Variants in FILIP1L observed in about 807,000 individuals in gnomAD.
FILIP1L encodes the protein filamin A-interacting protein 1-like.
A neutral mutation model predicts 96.6 loss-of-function variants in FILIP1L; 55 were observed. The observed-to-expected ratio is 0.57, with a 90% CI of 0.46 to 0.71. The LOEUF is 0.71. Among genes scored for constraint, FILIP1L ranks in the 30% least tolerant of loss-of-function variants. The pLI is 0.00. For missense variants in FILIP1L, 1,304 were observed against 1,321.2 expected (o/e 0.99, Z 0.20); for synonymous variants, 467 against 473.9 (o/e 0.99, Z 0.19).
intron 4 of FILIP1L, among the ~76,000 whole-genome samples, chr3:99,863,398 G>T (rs809415): frequency 0.73 from 111,668 of 151,978 alleles, 41,738 homozygotes; most frequent in African/African-American, 0.88. Context: ...ACTCCTGTAC[G>T]TGGGGACTCA....
intron 1 of FILIP1L, among the ~76,000 whole-genome samples, chr3:100,018,186 C>T (rs1200962612): frequency 7.2e-5 from 11 of 151,840 alleles, no homozygotes; most frequent in African/African-American, 2.4e-5. Context: ...ATTAGCCGGG[C>T]GTGGTGGCAT....
chr3:99,973,810 A>G (rs1236854901), intron 1 of FILIP1L, among the ~76,000 whole-genome samples: 1 of 152,128 alleles, frequency 6.6e-6, no homozygotes, highest in Non-Finnish European at 1.5e-5. Context: ...GATGTTAAAT[A>G]CCTCTATTCC....
At chr3:99,939,696 C>T (rs1230270006) in intron 1 of FILIP1L, among the ~76,000 whole-genome samples, 1 of 152,168 alleles carries the variant, frequency 6.6e-6, no homozygotes, top group African/African-American at 2.4e-5. Flanking sequence ...TTAATGAAAA[C>T]TTCTTCCAGT....
chr3:100,013,541 G>A (rs552670080), intron 1 of FILIP1L, among the ~76,000 whole-genome samples: 1 of 152,250 alleles, frequency 6.6e-6, no homozygotes, highest in South Asian at 2.1e-4. Flanking sequence ...ACCACACTCG[G>A]CTGGCCAGTG....
intron 1 of FILIP1L, among the ~76,000 whole-genome samples, chr3:100,076,771 T>C (rs1187282414): frequency 1.3e-5 from 2 of 152,242 alleles, no homozygotes; most frequent in Admixed American, 6.5e-5. Context: ...TAACGTCTTC[T>C]CAGATTTCCA....
intron 4 of FILIP1L, among the ~76,000 whole-genome samples, chr3:99,922,627 G>C (rs925840025): frequency 2.0e-5 from 3 of 152,218 alleles, no homozygotes; most frequent in African/African-American, 7.2e-5. Context: ...ATTGGAAGTA[G>C]TTGAATAAGC....
chr3:99,850,128 A>G lies in FILIP1L; in HGVS notation c.1548T>C (p.Asp516=). ...TMSEKLKKTE[D]KLQAASSQLQ... is the part of the protein sequence containing the mutation. ...GCTGAGAAGAAGCAGCTTGTAATTTATCTTCAGTTTTCTTTAATTTTTCAC... is the reference window on the plus strand; with the variant it reads ...GCTGAGAAGAAGCAGCTTGTAATTTGTCTTCAGTTTTCTTTAATTTTTCAC... The change falls in exon 5 of 6, where the codon GAT becomes GAC. Residue 516 remains aspartate (D), a synonymous_variant. Transcript: ENST00000477258. 1 of 1,612,404 alleles carries G rather than the reference A, an allele frequency of 6.2e-7. No homozygotes were observed. The highest frequency in any genetic ancestry group is 1.1e-5 in the South Asian group (1 of 90,616).
chr3:99,853,354 A>G (rs1262375358), intron 4 of FILIP1L, among the ~76,000 whole-genome samples: 3 of 152,230 alleles, frequency 2.0e-5, no homozygotes, highest in South Asian at 4.1e-4. Context: ...CAGTTTCACA[A>G]AAGCTTTTAA....
intron 1 of FILIP1L, among the ~76,000 whole-genome samples, chr3:100,071,090 C>CT (rs61563009): frequency 0.26 from 18,403 of 70,820 alleles, 2,556 homozygotes; most frequent in Admixed American, 0.29. Flanking sequence ...GCTACTCTCT[C>CT]TTTTTTTTTT....
Position 99,849,623 on chromosome 3 carries a change from C to T in FILIP1L, c.2053G>A (p.Ala685Thr). The change falls in exon 5 of 6, where the codon GCT becomes ACT. Residue 685 changes from alanine (A) to threonine (T), a missense_variant. Transcript: ENST00000477258. ...KELEHVKMEL[A>T]KYKLAEKTET... is the part of the protein sequence containing the mutation. ...GTCTTTTCTGCTAACTTGTACTTAGCAAGTTCCATTTTAACATGTTCTAGC... is the reference window on the plus strand; with the variant it reads ...GTCTTTTCTGCTAACTTGTACTTAGTAAGTTCCATTTTAACATGTTCTAGC... 1 of 1,613,422 alleles carries T rather than the reference C, an allele frequency of 6.2e-7. No individual in the cohort carries two copies. The highest frequency in any genetic ancestry group is 8.5e-7 in the Non-Finnish European group (1 of 1,179,988).
chr3:100,065,683 A>G (rs2873015), intron 1 of FILIP1L, among the ~76,000 whole-genome samples: 232 of 102,562 alleles, frequency 2.3e-3, no homozygotes, highest in African/African-American at 6.8e-3. Context: ...TGCAAATGAC[A>G]CTTGATTTGT....
chr3:99,922,037 CA>C (rs1707141325), intron 4 of FILIP1L, among the ~76,000 whole-genome samples: 1 of 152,208 alleles, frequency 6.6e-6, no homozygotes. Context: ...AACTCTCCTC[CA>C]ATAGCCCTTC....
chr3:100,089,055 A>C (rs892814754), intron 1 of FILIP1L, among the ~76,000 whole-genome samples: 4 of 152,206 alleles, frequency 2.6e-5, no homozygotes, highest in African/African-American at 9.6e-5. Context: ...TCTGTAAGGC[A>C]CCAGTATTAG....
intron 1 of FILIP1L, among the ~76,000 whole-genome samples, chr3:100,066,766 C>T (rs866692507): frequency 1.1e-5 from 1 of 94,522 alleles, no homozygotes; most frequent in African/African-American, 3.4e-5. Flanking sequence ...CTCCTGACCT[C>T]GTGATCCGCC....
At chr3:99,947,427 G>A (rs1404977960) in intron 1 of FILIP1L, among the ~76,000 whole-genome samples, 1 of 151,958 alleles carries the variant, frequency 6.6e-6, no homozygotes, top group African/African-American at 2.4e-5. Flanking sequence ...CCTATTATTG[G>A]ATATTTAGTT....
intron 4 of FILIP1L, 67 bp downstream of exon 4, chr3:99,924,163 G>A (rs1707213177): frequency 7.7e-7 from 1 of 1,305,770 alleles, no homozygotes; most frequent in Admixed American, 2.0e-5. Context: ...TTGTATCCCT[G>A]AGACCTGGTA....
chr3:99,954,910 G>A (rs1364816902), intron 1 of FILIP1L, among the ~76,000 whole-genome samples: 3 of 152,124 alleles, frequency 2.0e-5, no homozygotes, highest in Non-Finnish European at 4.4e-5. Context: ...TAAGCACCAC[G>A]TCTGGCATAA....
chr3:99,936,029 G>A (rs1707654286), intron 1 of FILIP1L, among the ~76,000 whole-genome samples: 1 of 151,928 alleles, frequency 6.6e-6, no homozygotes, highest in Non-Finnish European at 1.5e-5. Flanking sequence ...TATTAATGTT[G>A]TATATTAAAA....
intron 1 of FILIP1L, among the ~76,000 whole-genome samples, chr3:100,047,046 G>A (rs1042016309): frequency 7.2e-5 from 11 of 152,166 alleles, no homozygotes; most frequent in African/African-American, 2.4e-4. Flanking sequence ...AAAATGTAAA[G>A]GGTATTGTCC....
Sources: allele counts gnomAD v4.1 joint callset (sites outside exome capture counted in the v4.1 genomes callset), GRCh38; gene constraint gnomAD v4.1.1; transcripts MANE v1.5; gene names NCBI Gene and HGNC (gene_info 2026-07-23, HGNC 2026-07-21).